The following PLEKHA3 variants were observed in gnomAD, a reference collection of about 807,000 sequenced individuals.
The protein encoded by PLEKHA3 is pleckstrin homology domain containing A3, also known as pleckstrin homology domain-containing family A member 3.
Under a neutral mutation model 39.2 loss-of-function variants are expected in PLEKHA3, and 19 were observed. The ratio of observed to expected loss-of-function variants is 0.48; its 90% CI spans 0.34 to 0.71. The LOEUF (loss-of-function observed/expected upper bound fraction) is 0.71. Ranked by LOEUF, PLEKHA3 falls within the 30% of genes least tolerant of loss-of-function variation. PLEKHA3 has a pLI of 0.01. For missense variants in PLEKHA3, 253 were observed against 359.5 expected (o/e 0.70, Z 2.40); for synonymous variants, 97 against 118.6 (o/e 0.82, Z 1.18).
At chr2:178,497,107 A>G (rs990033095) in intron 5 of PLEKHA3, among the ~76,000 whole-genome samples, 53 of 152,036 alleles carry the variant, frequency 3.5e-4, no homozygotes, top group African/African-American at 1.1e-3. Context: ...TTTTATGCTG[A>G]AGTGTATTAT....
At position 178,480,797 on chromosome 2, in the gene PLEKHA3, C is replaced by T. The variant is rs934638253; in HGVS notation, c.-73C>T. 5.5e-6 allele frequency: 7 copies of T among 1,270,250 alleles called. No individual in the cohort carries two copies. The highest frequency in any genetic ancestry group is 3.2e-5 in the South Asian group (1 of 31,292). 78.7% of individuals were successfully genotyped at this position (1,270,250 alleles called of 1,614,324 possible). On this transcript the variant is annotated 5_prime_UTR_variant, in exon 1 of 8. Coordinates refer to ENST00000234453, the MANE Select transcript of PLEKHA3 (RefSeq NM_019091.4). Reference sequence around the variant, plus strand: ...CCCGGGCGGGCCGGGAGGGGCTGCCCCAGGCCCTGCGCCTACCCCATCACC... The same window carrying T: ...CCCGGGCGGGCCGGGAGGGGCTGCCTCAGGCCCTGCGCCTACCCCATCACC...
intron 1 of PLEKHA3, among the ~76,000 whole-genome samples, chr2:178,482,963 T>C (rs1337477296): frequency 1.3e-5 from 2 of 152,202 alleles, no homozygotes; most frequent in Non-Finnish European, 2.9e-5. Flanking sequence ...TCTTTAAGTG[T>C]AATGATAGTG....
intron 3 of PLEKHA3, 21 bp from the exon 4 acceptor site, chr2:178,493,832 A>G (rs767109648): frequency 4.4e-6 from 7 of 1,596,242 alleles, no homozygotes; most frequent in Non-Finnish European, 5.1e-6. Context: ...CTAACTGTAT[A>G]TTTATGTATA....
chr2:178,492,627 A>AT (rs1685368421), intron 3 of PLEKHA3, among the ~76,000 whole-genome samples: 1 of 135,550 alleles, frequency 7.4e-6, no homozygotes, highest in Non-Finnish European at 1.5e-5. Context: ...TATAATAATG[A>AT]TTAAAAAAAA....
rs374157406 is a variant in PLEKHA3, at chr2:178,510,003, A to T, written c.*6116A>T. ...CTCTTGTCTCAGCCTCCTAGGCTAC[A>T]GGCTAGGACTACAGGTGCTCGCCAC... On this transcript the variant is annotated 3_prime_UTR_variant, in exon 8 of 8. Transcript: ENST00000234453. 1 of 152,042 alleles carries T rather than the reference A, an allele frequency of 6.6e-6. No homozygotes were observed. Among genetic ancestry groups the T allele is most frequent in the East Asian group, 1.9e-4 (1 of 5,188 alleles). 9.4% of individuals were successfully genotyped at this position (152,042 alleles called of 1,614,324 possible).
rs909984852 is a variant in PLEKHA3, at chr2:178,516,083, CAT to C, written c.*12204_*12205del. On this transcript the variant is annotated 3_prime_UTR_variant, in exon 8 of 8. Transcript: ENST00000234453. ...ACACATACATATATATATATACATACATATATATACATAAAATGATTCTTGCA... is the reference window on the plus strand; with the variant it reads ...ACACATACATATATATATATACATACATATATACATAAAATGATTCTTGCA... The C allele has an allele frequency of 2.7e-5, 4 of 150,662 alleles. No individual in the cohort carries two copies. Among genetic ancestry groups the C allele is most frequent in the East Asian group, 3.9e-4 (2 of 5,152 alleles). The allele number at this position is 150,662 out of a possible 1,614,324, so 9.3% of individuals were successfully genotyped here. A position where few individuals can be genotyped will look rare whatever the true frequency, so the allele number is the denominator to read the frequency against.
At chr2:178,496,293 C>G (rs1182748707) in intron 5 of PLEKHA3, among the ~76,000 whole-genome samples, 1 of 152,180 alleles carries the variant, frequency 6.6e-6, no homozygotes, top group Non-Finnish European at 1.5e-5. Flanking sequence ...GTTGTCCTTT[C>G]TGAGCTAATA....
At chr2:178,501,955 G>C (rs947214898) in intron 7 of PLEKHA3, among the ~76,000 whole-genome samples, 4 of 151,916 alleles carry the variant, frequency 2.6e-5, no homozygotes, top group Admixed American at 2.6e-4. Flanking sequence ...TCAGTTGTTT[G>C]GAAAACAGAT....
intron 5 of PLEKHA3, among the ~76,000 whole-genome samples, 156 bp downstream of exon 5, chr2:178,495,816 G>T (rs1193357866): frequency 6.6e-6 from 1 of 152,138 alleles, no homozygotes; most frequent in African/African-American, 2.4e-5. Context: ...TTTCATATTC[G>T]AGCTTCTTAG....
chr2:178,497,293 C>A (rs752054419), intron 5 of PLEKHA3, among the ~76,000 whole-genome samples: 1 of 151,908 alleles, frequency 6.6e-6, no homozygotes. Flanking sequence ...TGCAGTGGCG[C>A]AATCTCAGCT....
chr2:178,482,801 A>C (rs554380809), intron 1 of PLEKHA3, among the ~76,000 whole-genome samples: 18 of 152,286 alleles, frequency 1.2e-4, no homozygotes, highest in Non-Finnish European at 2.4e-4. Flanking sequence ...CATTTAGTCA[A>C]CTTCTAGTAT....
At chr2:178,499,957 CT>C in intron 6 of PLEKHA3, among the ~76,000 whole-genome samples, 1 of 152,232 alleles carries the variant, frequency 6.6e-6, no homozygotes, top group Non-Finnish European at 1.5e-5. Flanking sequence ...ATAGCATCAT[CT>C]ATTCATGCTG....
intron 5 of PLEKHA3, among the ~76,000 whole-genome samples, chr2:178,497,728 A>G (rs1249852325): frequency 6.6e-6 from 1 of 151,228 alleles, no homozygotes. Flanking sequence ...CAAAGGGTAC[A>G]CTTTTTTTTT....
At chr2:178,482,508 G>C (rs1159924012) in intron 1 of PLEKHA3, among the ~76,000 whole-genome samples, 1 of 144,660 alleles carries the variant, frequency 6.9e-6, no homozygotes, top group African/African-American at 2.6e-5. Flanking sequence ...AGCTATGATT[G>C]TACCCACACA....
rs1203603659 is a variant in PLEKHA3 at position 178,512,469 on chromosome 2, ATC to A, written c.*8586_*8587del. 5.3e-5 allele frequency: 8 copies of A among 152,148 alleles called. No individual in the cohort carries two copies. Among genetic ancestry groups the A allele is most frequent in the African/African-American group, 1.4e-4 (6 of 41,426 alleles). The allele number at this position is 152,148 out of a possible 1,614,324, so 9.4% of individuals were successfully genotyped here. A position where few individuals can be genotyped will look rare whatever the true frequency, so the allele number is the denominator to read the frequency against. ...AGGTGGGAGGAGGGTGCTGTTGATA[ATC>A]TCTGTGCTTTTGCAAGTTTGGCACA... On this transcript the variant is annotated 3_prime_UTR_variant, in exon 8 of 8. Transcript: ENST00000234453.
chr2:178,494,122 T>C, intron 4 of PLEKHA3, 133 bp downstream of exon 4: 1 of 942,716 alleles, frequency 1.1e-6, no homozygotes, highest in Non-Finnish European at 1.6e-6. Context: ...GCCTACTGTA[T>C]ACTATCTGGA....
Position 178,493,862 on chromosome 2 carries a change from A to T in PLEKHA3, c.323A>T (p.Glu108Val). The change falls in exon 4 of 8, where the codon GAA (glutamate) becomes GTA (valine). Residue 108 changes from glutamate to valine, a missense_variant. Transcript: ENST00000234453. ...TRTKKEKEIS[E>V]TSESLKTKMS... The stretch of plus-strand genomic sequence containing the variant: ...TGTATATTCTTTTCAGAAATAAGTG[A>T]AACCAGTGAATCGCTGAAAACCAAA... The T allele has an allele frequency of 6.2e-7, 1 of 1,613,240 alleles. No individual in the cohort carries two copies. The highest frequency in any genetic ancestry group is 2.2e-5 in the East Asian group (1 of 44,854).
At chr2:178,495,757 G>T (rs1397409878) in intron 5 of PLEKHA3, 97 bp downstream of exon 5, 2 of 1,325,298 alleles carry the variant, frequency 1.5e-6, no homozygotes, top group Non-Finnish European at 1.0e-6. Context: ...GAAGCAGGCA[G>T]TTGGGGGGCG....
Position 178,490,661 on chromosome 2 carries a change from C to T in PLEKHA3, c.160C>T (p.His54Tyr), listed in dbSNP as rs749919831. Residue 54 changes from histidine (H) to tyrosine (Y), a missense_variant and splice_region_variant, in exon 3 of 8, where the codon CAT (histidine) becomes TAT (tyrosine). His to Tyr is a moderately conservative substitution (Grantham distance 83). Around this residue, in one of 2 missense-constraint regions of PLEKHA3, gnomAD observed 126 missense variants for 222.7 expected, o/e 0.57. Coordinates refer to ENST00000234453, the MANE Select transcript of PLEKHA3 (RefSeq NM_019091.4). ...TTCCCCTTTGTTTATCATCATAGTT[C>T]ATTCAGCAGACAACACAAGAATGGA... ...IKMAVCEIKV[H>Y]SADNTRMELI... is the part of the protein sequence containing the mutation. 1 of 1,612,030 alleles carries T rather than the reference C, an allele frequency of 6.2e-7. No homozygotes were observed. Among genetic ancestry groups the T allele is most frequent in the South Asian group, 1.1e-5 (1 of 90,668 alleles).
Sources: allele counts gnomAD v4.1 joint callset (sites outside exome capture counted in the v4.1 genomes callset), GRCh38; gene constraint gnomAD v4.1.1; regional missense constraint gnomAD v4.1.1; transcripts MANE v1.5; gene names NCBI Gene and HGNC (gene_info 2026-07-23, HGNC 2026-07-21).